Variants in NCAM1 observed in about 807,000 individuals in gnomAD.
NCAM1 encodes the protein neural cell adhesion molecule 1.
Under a neutral mutation model 109.8 loss-of-function variants are expected in NCAM1, and 14 were observed. The observed-to-expected ratio is 0.13, with a 90% CI of 0.08 to 0.20. The LOEUF is 0.20. NCAM1 is among the 10% of genes least tolerant of loss of function. The probability of loss-of-function intolerance (pLI) is 1.00; values close to 1 mark genes in which losing one functional copy is unlikely to be tolerated. For missense variants in NCAM1, 774 were observed against 1,109.9 expected (o/e 0.70, Z 4.30); for synonymous variants, 418 against 442.9 (o/e 0.94, Z 0.70).
rs540989745 is a variant in NCAM1, at chr11:113,231,957, C to G, written c.1240+162C>G. On this transcript the variant is annotated intron_variant, in intron 10 of 19. Coordinates refer to ENST00000316851, the MANE Select transcript of NCAM1 (RefSeq NM_181351.5). ...TCAGAGCTCTGTTCCCAAGCCACCC[C>G]CTACACACCATCTCCAGGCTTCTTA... Among the ~76,000 whole-genome samples, 106 of 152,290 alleles carry G rather than the reference C, an allele frequency of 7.0e-4. 1 individual carries two copies. In the Middle Eastern group the frequency reaches 0.01, roughly 15 times the overall value.
chr11:113,264,643 CT>C (rs1946096959), intron 17 of NCAM1: 1 of 985,444 alleles, frequency 1.0e-6, no homozygotes, highest in African/African-American at 1.7e-5. Context: ...CTGCCTCCCC[CT>C]GATCCCAGGA....
chr11:113,199,149 G>A (rs1943952812), intron 1 of NCAM1, among the ~76,000 whole-genome samples: 1 of 152,200 alleles, frequency 6.6e-6, no homozygotes, highest in Admixed American at 6.5e-5. Context: ...AGTGTTTATG[G>A]AAAGCAAGAG....
At chr11:113,078,465 T>C (rs1321181926) in intron 1 of NCAM1, among the ~76,000 whole-genome samples, 1 of 152,006 alleles carries the variant, frequency 6.6e-6, no homozygotes, top group Non-Finnish European at 1.5e-5. Context: ...GGTATCACCA[T>C]TCCACCAGCT....
At chr11:113,141,481 A>G (rs1555100400) in intron 1 of NCAM1, among the ~76,000 whole-genome samples, 1 of 152,162 alleles carries the variant, frequency 6.6e-6, no homozygotes, top group Non-Finnish European at 1.5e-5. Context: ...AATATCAAAA[A>G]TAAATGAATA....
intron 14 of NCAM1, among the ~76,000 whole-genome samples, chr11:113,244,248 A>G (rs969132657): frequency 2.0e-5 from 3 of 152,182 alleles, no homozygotes; most frequent in African/African-American, 7.2e-5. Flanking sequence ...CTTCTCTGTT[A>G]GTGAAACACA....
chr11:113,163,871 G>A (rs1445156332), intron 1 of NCAM1, among the ~76,000 whole-genome samples: 1 of 152,152 alleles, frequency 6.6e-6, no homozygotes, highest in Non-Finnish European at 1.5e-5. Context: ...AGTATGCAGT[G>A]AAGGGGAGAA....
chr11:113,033,588 TA>T (rs1231640185), intron 1 of NCAM1, among the ~76,000 whole-genome samples: 1 of 152,228 alleles, frequency 6.6e-6, no homozygotes, highest in Non-Finnish European at 1.5e-5. Flanking sequence ...TCAGAGGATT[TA>T]AAAAAATCAT....
rs566945595 is a variant in NCAM1 at position 113,154,691 on chromosome 11, G to A, written c.53-47688G>A. 4.2e-3 allele frequency among the ~76,000 whole-genome samples: 635 copies of A among 152,064 alleles called. 2 individuals are homozygous for A. Among genetic ancestry groups the A allele is most frequent in the Non-Finnish European group, 6.4e-3 (434 of 67,974 alleles). The stretch of plus-strand genomic sequence containing the variant: ...AACGTTTTAGTTGAGACTGAAGGAG[G>A]AAAGCTGAAGTTCATACCTGGTCAC... On this transcript the variant is annotated intron_variant, in intron 1 of 19. Coordinates refer to ENST00000316851, the MANE Select transcript of NCAM1 (RefSeq NM_181351.5).
chr11:113,038,001 C>T (rs956885398), intron 1 of NCAM1, among the ~76,000 whole-genome samples: 2 of 152,128 alleles, frequency 1.3e-5, no homozygotes, highest in African/African-American at 2.4e-5. Flanking sequence ...CCAGGCTCAC[C>T]CCTGCGGGTG....
rs1237860391 is a variant in NCAM1, at chr11:113,209,133, A to G, written c.916+1131A>G. 2.6e-5 allele frequency among the ~76,000 whole-genome samples: 4 copies of G among 152,242 alleles called. No individual in the cohort carries two copies. The East Asian group carries it at 7.7e-4, about 29-fold the overall frequency. Reference sequence around the variant, plus strand: ...ACACAGATAAACTGGTCTACTGTAGACAGCACTGGGGAAGTGCCAGTCTGA... The same window carrying G: ...ACACAGATAAACTGGTCTACTGTAGGCAGCACTGGGGAAGTGCCAGTCTGA... On this transcript the variant is annotated intron_variant, in intron 7 of 19. Transcript: ENST00000316851.
At chr11:113,221,154 C>G (rs563817023) in intron 8 of NCAM1, 142 bp from the exon 9 acceptor site, 24 of 738,458 alleles carry the variant, frequency 3.3e-5, no homozygotes, top group Non-Finnish European at 5.2e-5. Flanking sequence ...AATAAACACA[C>G]CATTGAAAGT....
chr11:113,241,662 G>A (rs1272953171), intron 14 of NCAM1, among the ~76,000 whole-genome samples: 3 of 152,040 alleles, frequency 2.0e-5, no homozygotes, highest in African/African-American at 4.8e-5. Context: ...TGAATGTGCA[G>A]GAGTAGAAGG....
chr11:113,231,600 C>T (rs545153902), intron 9 of NCAM1, 45 bp from the exon 10 acceptor site: 3 of 1,596,222 alleles, frequency 1.9e-6, no homozygotes, highest in Non-Finnish European at 2.6e-6. Context: ...GCCCTTCACC[C>T]TGCCTTGGGC....
Position 113,156,554 on chromosome 11 carries a change from G to C in NCAM1, c.53-45825G>C, listed in dbSNP as rs545221637. ...ATATTAAAGGGGTGGCATGAGAAAG[G>C]CTCTCAGAAATACAGATTTGTCATG... On this transcript the variant is annotated intron_variant, in intron 1 of 19. Coordinates refer to ENST00000316851, the MANE Select transcript of NCAM1 (RefSeq NM_181351.5). Among the ~76,000 whole-genome samples, 11 of 152,230 alleles carry C rather than the reference G, an allele frequency of 7.2e-5. No homozygotes were observed. The East Asian group carries it at 1.9e-3, about 27-fold the overall frequency.
In NCAM1 at chr11:113,278,322, G is replaced by A. The variant is rs1407045755; in HGVS notation, c.*2935G>A. The A allele has an allele frequency of 2.6e-5, 4 of 152,122 alleles. No homozygotes were observed. Among genetic ancestry groups the A allele is most frequent in the African/African-American group, 7.2e-5 (3 of 41,396 alleles). The allele number at this position is 152,122 out of a possible 1,614,324, so 9.4% of individuals were successfully genotyped here. ...AAAACTTTTTACCAAGTGAAACATC[G>A]ATACCACCTTTGTTTCCATTCTCAC... On this transcript the variant is annotated 3_prime_UTR_variant, in exon 20 of 20. Transcript: ENST00000316851.
intron 1 of NCAM1, among the ~76,000 whole-genome samples, chr11:113,010,831 A>T (rs1008457868): frequency 5.7e-4 from 87 of 152,342 alleles, no homozygotes; most frequent in African/African-American, 2.0e-3. Flanking sequence ...TCAGGTTATC[A>T]TTATGTGTCA....
chr11:113,069,411 A>G (rs2135551446), intron 1 of NCAM1, among the ~76,000 whole-genome samples: 1 of 152,304 alleles, frequency 6.6e-6, no homozygotes, highest in Non-Finnish European at 1.5e-5. Context: ...ACGAAGCCTC[A>G]GTGACAGGGC....
chr11:113,088,924 G>A (rs1260054182), intron 1 of NCAM1, among the ~76,000 whole-genome samples: 1 of 152,168 alleles, frequency 6.6e-6, no homozygotes, highest in Non-Finnish European at 1.5e-5. Context: ...GCTATAATTG[G>A]CAACAGTATG....
intron 1 of NCAM1, among the ~76,000 whole-genome samples, chr11:113,074,735 G>A (rs553887583): frequency 6.6e-5 from 10 of 152,186 alleles, no homozygotes; most frequent in African/African-American, 2.2e-4. Context: ...AGGTTCAAGC[G>A]ATTCTGCTGC....
Sources: gnomAD v4.1 joint callset for allele counts (sites outside exome capture counted in the v4.1 genomes callset) on GRCh38, gnomAD v4.1.1 for gene constraint, MANE v1.5 for transcripts, NCBI Gene and HGNC (gene_info 2026-07-23, HGNC 2026-07-21) for gene names.